NTRK1: variants seen among roughly 807,000 people sequenced by gnomAD.
NTRK1 encodes high affinity nerve growth factor receptor.
NTRK1 carries 62 observed loss-of-function variants against 86.8 expected under a neutral mutation model. The ratio of observed to expected loss-of-function variants is 0.71; its 90% CI spans 0.58 to 0.88. NTRK1 has a LOEUF of 0.88. Among genes scored for constraint, NTRK1 ranks in the 40% least tolerant of loss-of-function variants. The pLI is 0.00. For synonymous variants in NTRK1, 469 were observed against 456.6 expected, an observed-to-expected ratio of 1.03 and a Z score of -0.35; for missense variants, 967 against 1,078.4, an observed-to-expected ratio of 0.90 and a Z score of 1.45.
chr1:156,876,499 G>A lies in NTRK1; in HGVS notation c.1732G>A (p.Val578Ile), dbSNP rs760764097. 21 of 1,613,622 alleles carry A rather than the reference G, an allele frequency of 1.3e-5. No individual in the cohort carries two copies. The highest frequency in any genetic ancestry group is 2.7e-5 in the African/African-American group (2 of 74,902). ...CCAGCACATCGTGCGCTTCTTCGGCGTCTGCACCGAGGGCCGCCCCCTGCT... is the reference window on the plus strand; with the variant it reads ...CCAGCACATCGTGCGCTTCTTCGGCATCTGCACCGAGGGCCGCCCCCTGCT... ...QHQHIVRFFG[V>I]CTEGRPLLMV... The change falls in exon 14 of 17, where the codon GTC (valine) becomes ATC (isoleucine). Residue 578 changes from valine to isoleucine, a missense_variant. Around this residue, in one of 2 missense-constraint regions of NTRK1, gnomAD observed 637 missense variants for 776.5 expected, o/e 0.82. Coordinates refer to ENST00000524377, the MANE Select transcript of NTRK1 (RefSeq NM_002529.4).
In NTRK1 at chr1:156,868,363, G is replaced by A; in HGVS notation, c.574+114G>A. On this transcript the variant is annotated intron_variant, in intron 5 of 16. Coordinates refer to ENST00000524377, the MANE Select transcript of NTRK1 (RefSeq NM_002529.4). ...GGCCTGGGGAATGGGCACTGGCAAA[G>A]GCTGGGGGAAACTGCCTGGGGTGAC... is the stretch of plus-strand genomic sequence containing the variant. 4 of 1,541,226 alleles carry A rather than the reference G, an allele frequency of 2.6e-6. No homozygotes were observed. In the South Asian group the frequency reaches 4.7e-5, roughly 18 times the overall value.
Position 156,823,745 on chromosome 1 carries a change from G to A in NTRK1, c.-64+7907G>A, listed in dbSNP as rs114629984. Among the ~76,000 whole-genome samples, 743 of 152,282 alleles carry A rather than the reference G, an allele frequency of 4.9e-3. 4 individuals are homozygous for A. Among genetic ancestry groups the A allele is most frequent in the African/African-American group, 0.017 (699 of 41,552 alleles). On this transcript the variant is annotated intron_variant, in intron 1 of 16. Coordinates refer to the NTRK1 transcript ENST00000392302. ...CTGTAGCTCTGCACCTCAGTGAGAA[G>A]GTGTCCATGATCTTGAGCCCATGAA...
chr1:156,880,026 C>A lies in NTRK1; in HGVS notation c.2074C>A (p.Arg692Ser). Residue 692 changes from arginine to serine, a missense_variant, in exon 16 of 17, where the codon CGC becomes AGC. Coordinates refer to ENST00000524377, the MANE Select transcript of NTRK1 (RefSeq NM_002529.4). ...RVGGRTMLPI[R>S]WMPPESILYR... is the part of the protein sequence containing the mutation. ...GGGAGGCCGCACCATGCTGCCCATT[C>A]GCTGGATGCCGCCCGAGAGCATCCT... 1.2e-6 allele frequency: 2 copies of A among 1,613,482 alleles called. No individual in the cohort carries two copies. Among genetic ancestry groups the A allele is most frequent in the Non-Finnish European group, 1.7e-6 (2 of 1,179,998 alleles).
Position 156,881,750 on chromosome 1 carries a change from C to T in NTRK1, c.*108C>T. The T allele has an allele frequency of 8.6e-7, 1 of 1,165,446 alleles. No homozygotes were observed. 72.2% of individuals were successfully genotyped at this position (1,165,446 alleles called of 1,614,324 possible). ...GGGTGATCTCAAAGTATCTAATTCA[C>T]CCTCAGCATGTGGGAAGGGACAGGT... On this transcript the variant is annotated 3_prime_UTR_variant, in exon 17 of 17. Coordinates refer to ENST00000524377, the MANE Select transcript of NTRK1 (RefSeq NM_002529.4).
chr1:156,831,830 G>C (rs1367878873), intron 1 of NTRK1, among the ~76,000 whole-genome samples: 1 of 152,186 alleles, frequency 6.6e-6, no homozygotes, highest in East Asian at 1.9e-4. Flanking sequence ...GGGCTAGAAG[G>C]GATGGGAGAT....
chr1:156,821,537 G>A (rs1408432847), intron 1 of NTRK1, among the ~76,000 whole-genome samples: 1 of 151,650 alleles, frequency 6.6e-6, no homozygotes, highest in Non-Finnish European at 1.5e-5. Flanking sequence ...AGATTAAGCT[G>A]AGTTGTAGAG....
rs991642725 is a variant in NTRK1 at position 156,826,346 on chromosome 1, G to T, written c.-64+10508G>T. On this transcript the variant is annotated intron_variant, in intron 1 of 16. Transcript: ENST00000392302. Reference sequence around the variant, plus strand: ...GATGGAGTCTGGCTCTGTCACCCAGGCTGGAGTGCAGTGGCGTGATCTCGG... The same window carrying T: ...GATGGAGTCTGGCTCTGTCACCCAGTCTGGAGTGCAGTGGCGTGATCTCGG... Among the ~76,000 whole-genome samples, 25 of 121,768 alleles carry T rather than the reference G, an allele frequency of 2.1e-4. 1 individual carries two copies. The highest frequency in any genetic ancestry group is 7.5e-4 in the African/African-American group (25 of 33,114). The allele number at this position is 121,768 out of a possible 152,430, so 79.9% of individuals were successfully genotyped here. A position where few individuals can be genotyped will look rare whatever the true frequency, so the allele number is the denominator to read the frequency against.
In NTRK1 at chr1:156,881,184, G is replaced by A. The variant is rs1290981924; in HGVS notation, c.2206-273G>A. Among the ~76,000 whole-genome samples, 4 of 152,076 alleles carry A rather than the reference G, an allele frequency of 2.6e-5. No homozygotes were observed. The East Asian group carries it at 5.8e-4, about 22-fold the overall frequency. On this transcript the variant is annotated intron_variant, in intron 16 of 16. Coordinates refer to ENST00000524377, the MANE Select transcript of NTRK1 (RefSeq NM_002529.4). ...CCCCTCGCCTTCCTCAACCCACCTG[G>A]CAAGTCTTCTTAGGATCTGATCCCA...
intron 2 of NTRK1, chr1:156,851,773 C>A (rs1163991925): frequency 1.2e-6 from 2 of 1,610,454 alleles, no homozygotes; most frequent in South Asian, 2.2e-5. Flanking sequence ...GCCCCTCGCA[C>A]TTGTGGCAGA....
chr1:156,842,895 C>T, intron 2 of NTRK1: 3 of 849,656 alleles, frequency 3.5e-6, no homozygotes, highest in South Asian at 3.4e-5. Flanking sequence ...TAACCATGGT[C>T]CCAATCTTGA....
At chr1:156,871,099 G>A (rs954104175) in intron 6 of NTRK1, among the ~76,000 whole-genome samples, 1 of 152,252 alleles carries the variant, frequency 6.6e-6, no homozygotes, top group Non-Finnish European at 1.5e-5. Context: ...TGAATAGGCA[G>A]TGAGGTCCTA....
At chr1:156,853,422 T>C (rs1455359110) in intron 2 of NTRK1, among the ~76,000 whole-genome samples, 2 of 152,120 alleles carry the variant, frequency 1.3e-5, no homozygotes, top group African/African-American at 2.4e-5. Flanking sequence ...TGAACCCAGG[T>C]CCTCTGGCTT....
Position 156,854,209 on chromosome 1 carries a change from C to T in NTRK1, c.51-10145C>T. On this transcript the variant is annotated intron_variant, in intron 2 of 16. Transcript: ENST00000392302. This position sits in a 1 kb window ranked among gnomAD's most constrained non-coding sequence, Gnocchi z 4.2. ...GGAAGTCCTCCCCGGTGGCTGTGAA[C>T]ATGAGCAGGATCTGCAGGTGGCCCT... 1 of 1,614,070 alleles carries T rather than the reference C, an allele frequency of 6.2e-7. No homozygotes were observed. The highest frequency in any genetic ancestry group is 8.5e-7 in the Non-Finnish European group (1 of 1,180,032).
intron 2 of NTRK1, chr1:156,845,058 T>A (rs1208253231): frequency 6.3e-7 from 1 of 1,594,026 alleles, no homozygotes; most frequent in Non-Finnish European, 8.5e-7. Flanking sequence ...GTAGAAGGTG[T>A]GTGTGTGGAT....
At chr1:156,843,289 C>T (rs1055833327) in intron 2 of NTRK1, 6 of 1,572,510 alleles carry the variant, frequency 3.8e-6, no homozygotes, top group Non-Finnish European at 5.3e-6. Context: ...CACACCTCAC[C>T]CCCCAACTTC....
chr1:156,877,360 C>T (rs902138379), intron 14 of NTRK1, among the ~76,000 whole-genome samples: 3 of 152,226 alleles, frequency 2.0e-5, no homozygotes, highest in African/African-American at 7.2e-5. Flanking sequence ...ATACATTTAT[C>T]TATTTGTGCT....
intron 14 of NTRK1, among the ~76,000 whole-genome samples, chr1:156,877,476 T>C (rs1017207615): frequency 1.3e-5 from 2 of 152,238 alleles, no homozygotes; most frequent in Non-Finnish European, 1.5e-5. Flanking sequence ...CCAGGGGTGA[T>C]GTGGCCCCAG....
chr1:156,881,079 C>G (rs1648229041), intron 16 of NTRK1, among the ~76,000 whole-genome samples: 1 of 152,200 alleles, frequency 6.6e-6, no homozygotes, highest in African/African-American at 2.4e-5. Flanking sequence ...TTTTCTCTCT[C>G]TGGAGCTGAG....
chr1:156,858,381 T>A (rs934070038), upstream of NTRK1, among the ~76,000 whole-genome samples: 4 of 152,222 alleles, frequency 2.6e-5, no homozygotes, highest in African/African-American at 9.6e-5. Flanking sequence ...GGGAACTAAC[T>A]GCTTTTCCTG....
Sources: allele counts gnomAD v4.1 joint callset (sites outside exome capture counted in the v4.1 genomes callset), GRCh38; gene constraint gnomAD v4.1.1; regional missense constraint gnomAD v4.1.1; non-coding constraint Gnocchi (gnomAD v3.1); transcripts MANE v1.5; gene names NCBI Gene and HGNC (gene_info 2026-07-23, HGNC 2026-07-21).